The following NAV1 variants were observed in gnomAD, a reference collection of about 807,000 sequenced individuals.
NAV1 encodes the protein neuron navigator 1, also known as pore membrane and/or filament interacting like protein 3.
NAV1 carries 18 observed loss-of-function variants against 175.2 expected under a neutral mutation model. The ratio of observed to expected loss-of-function variants is 0.10; its 90% confidence interval spans 0.07 to 0.15. The LOEUF (loss-of-function observed/expected upper bound fraction) is 0.15, where lower values mean the gene tolerates loss of function less well. NAV1 is among the 10% of genes least tolerant of loss of function. NAV1 has a pLI of 1.00. For synonymous variants in NAV1, 897 were observed against 978.7 expected (o/e 0.92, Z 1.56); for missense variants, 1,731 against 2,436.6 (o/e 0.71, Z 6.10).
chr1:201,622,804 G>A, upstream of NAV1: 1 of 984,246 alleles, frequency 1.0e-6, no homozygotes, highest in Non-Finnish European at 1.2e-6. Flanking sequence ...AAGGATGGAA[G>A]CTTGTGGGGA....
At position 201,750,914 on chromosome 1, in the gene NAV1, A is replaced by G. The variant is rs989485117; in HGVS notation, c.1227-29507A>G. Among the ~76,000 whole-genome samples the G allele has an allele frequency of 3.3e-5, 5 of 152,148 alleles. No individual in the cohort carries two copies. Among genetic ancestry groups the G allele is most frequent in the African/African-American group, 9.6e-5 (4 of 41,452 alleles). On this transcript the variant is annotated intron_variant, in intron 3 of 29. Transcript: ENST00000367296. This position sits in a 1 kb window ranked among gnomAD's most constrained non-coding sequence, Gnocchi z 4.1. ...GAGCAGGATGTTTTTATTTCTGTCTATTGCCTGAAGGCATCTCCTCTAGAA... is the reference window on the plus strand; with the variant it reads ...GAGCAGGATGTTTTTATTTCTGTCTGTTGCCTGAAGGCATCTCCTCTAGAA...
chr1:201,604,371 T>C (rs1407086214), intron 2 of NAV1, among the ~76,000 whole-genome samples: 2 of 152,116 alleles, frequency 1.3e-5, no homozygotes, highest in East Asian at 3.9e-4. Context: ...TCCTATTTTA[T>C]AGATAAGAAA....
Position 201,718,318 on chromosome 1 carries a change from G to A in NAV1, c.861-72G>A. 7.1e-7 allele frequency: 1 copy of A among 1,411,264 alleles called. No individual in the cohort carries two copies. Among genetic ancestry groups the A allele is most frequent in the Non-Finnish European group, 9.3e-7 (1 of 1,078,384 alleles). The allele number at this position is 1,411,264 out of a possible 1,614,324, so 87.4% of individuals were successfully genotyped here. A position where few individuals can be genotyped will look rare whatever the true frequency, so the allele number is the denominator to read the frequency against. On this transcript the variant is annotated intron_variant, in intron 2 of 29. Transcript: ENST00000367296. This position sits in a 1 kb window ranked among gnomAD's most constrained non-coding sequence, Gnocchi z 4.8. ...GTGGGTGGAGGGGAGGCATTGCTGG[G>A]GTGCATGTGAGGGGACAGGGCACAC...
Position 201,790,991 on chromosome 1 carries a change from G to A in NAV1, c.3321+225G>A, listed in dbSNP as rs558827441. 377 of 541,416 alleles carry A rather than the reference G, an allele frequency of 7.0e-4. 3 individuals carry two copies. Among genetic ancestry groups the A allele is most frequent in the African/African-American group, 6.8e-3 (359 of 52,812 alleles). 33.5% of individuals were successfully genotyped at this position (541,416 alleles called of 1,614,324 possible). ...ATTTTGCTTCTACTCTAATTAATAG[G>A]TATGGATGAGTTCATGTCTGATGGG... On this transcript the variant is annotated intron_variant, in intron 13 of 29. Coordinates refer to ENST00000367296, the Ensembl canonical transcript of NAV1.
intron 1 of NAV1, among the ~76,000 whole-genome samples, chr1:201,654,148 T>C (rs924172857): frequency 2.0e-5 from 3 of 152,120 alleles, no homozygotes; most frequent in Non-Finnish European, 2.9e-5. Context: ...AAGGTACAGA[T>C]GGAGGAGAAG....
intron 1 of NAV1, among the ~76,000 whole-genome samples, chr1:201,689,328 T>C (rs1218779416): frequency 1.3e-5 from 2 of 152,226 alleles, no homozygotes; most frequent in African/African-American, 4.8e-5. Flanking sequence ...GACAGTTTTA[T>C]AGGTTGCTTC....
rs1237729025 is a variant in NAV1 at position 201,808,507 on chromosome 1, C to T, written c.3935C>T (p.Ser1312Phe). 1.9e-6 allele frequency: 3 copies of T among 1,614,240 alleles called. No individual in the cohort carries two copies. Among genetic ancestry groups the T allele is most frequent in the Non-Finnish European group, 2.5e-6 (3 of 1,180,054 alleles). ...AAGAAGGAGGTATCGGAGCTGCGCT[C>T]TGAGCTATGGGAGAAGGAAATGAAG... The change falls in exon 19 of 30, where the codon TCT becomes TTT. Residue 1312 changes from serine (S) to phenylalanine (F), a missense_variant. Physicochemically the swap from Ser to Phe is radical, Grantham distance 155. Coordinates refer to ENST00000367296, the Ensembl canonical transcript of NAV1. This position sits in a 1 kb window ranked among gnomAD's most constrained non-coding sequence, Gnocchi z 5.5.
At chr1:201,638,896 C>T (rs1025847100) in intron 2 of NAV1, among the ~76,000 whole-genome samples, 2 of 152,192 alleles carry the variant, frequency 1.3e-5, no homozygotes, top group African/African-American at 4.8e-5. Context: ...TACTAACTAA[C>T]CTATGTAGGG....
At chr1:201,597,833 A>T (rs1030334781) in intron 2 of NAV1, among the ~76,000 whole-genome samples, 2 of 152,198 alleles carry the variant, frequency 1.3e-5, no homozygotes, top group Non-Finnish European at 2.9e-5. Context: ...CAGTGTGACG[A>T]GGTGAGGCAG....
intron 1 of NAV1, among the ~76,000 whole-genome samples, chr1:201,691,548 G>A (rs1670944253): frequency 6.6e-6 from 1 of 152,208 alleles, no homozygotes. Context: ...AATGGAAAGG[G>A]AAATGCATTC....
At chr1:201,817,338 T>C (rs1679103665) in intron 29 of NAV1, 53 bp downstream of exon 33, 1 of 1,544,882 alleles carries the variant, frequency 6.5e-7, no homozygotes, top group Non-Finnish European at 8.8e-7. Flanking sequence ...AACTGAATTA[T>C]TGACCAGCAG....
At chr1:201,648,318 C>T in exon 1 of NAV1, 1 of 1,154,680 alleles carries the variant, frequency 8.7e-7, no homozygotes, top group Non-Finnish European at 1.1e-6. Flanking sequence ...CGCTGGGCGC[C>T]GGAGGAGCCG....
chr1:201,642,786 C>A (rs146036286), intron 2 of NAV1, among the ~76,000 whole-genome samples: 1,896 of 142,738 alleles, frequency 0.013, 39 homozygotes, highest in African/African-American at 0.046. Flanking sequence ...CTTTTCTTTT[C>A]TTTCTCGGAG....
intron 3 of NAV1, among the ~76,000 whole-genome samples, chr1:201,773,512 A>G (rs1035835202): frequency 6.6e-6 from 1 of 152,350 alleles, no homozygotes; most frequent in Non-Finnish European, 1.5e-5. Flanking sequence ...CTCAAGTGAG[A>G]GGACATTAGG....
chr1:201,658,258 G>A (rs899211519), intron 1 of NAV1, among the ~76,000 whole-genome samples: 2 of 152,138 alleles, frequency 1.3e-5, no homozygotes, highest in Non-Finnish European at 2.9e-5. Flanking sequence ...TGAAAGGCTG[G>A]ATGAGGAGAT....
Position 201,718,962 on chromosome 1 carries a change from CT to C in NAV1, c.1226+208del, listed in dbSNP as rs1672254962. On this transcript the variant is annotated intron_variant, in intron 3 of 29. Coordinates refer to ENST00000367296, the Ensembl canonical transcript of NAV1. The surrounding 1 kb of genome is among the most constrained non-coding windows in gnomAD (Gnocchi z 4.8). Reference sequence around the variant, plus strand: ...GACTTGGGTGTGGTGTAGGCAGGGCCTACATCCAAGGAGCTGATTGGTCAAT... The same window carrying C: ...GACTTGGGTGTGGTGTAGGCAGGGCCACATCCAAGGAGCTGATTGGTCAAT... Among the ~76,000 whole-genome samples, 1 of 151,942 alleles carries C rather than the reference CT, an allele frequency of 6.6e-6. No homozygotes were observed. Among genetic ancestry groups the C allele is most frequent in the African/African-American group, 2.4e-5 (1 of 41,348 alleles).
chr1:201,629,611 G>A (rs1019184052), intron 2 of NAV1, 104 bp downstream of exon 4: 28 of 621,962 alleles, frequency 4.5e-5, no homozygotes, highest in Non-Finnish European at 6.8e-5. Context: ...TCCATCTCTT[G>A]ACAAGGAGAC....
At chr1:201,664,775 A>C (rs888907515) in intron 1 of NAV1, among the ~76,000 whole-genome samples, 1 of 151,758 alleles carries the variant, frequency 6.6e-6, no homozygotes, top group African/African-American at 2.4e-5. Context: ...TGAGTCCTCT[A>C]TTTTCCTGGA....
At position 201,610,751 on chromosome 1, in the gene NAV1, G is replaced by A. The variant is rs138611468; in HGVS notation, c.-32-12102G>A. ...GGGGAATGGCTGGGCTAGGCTTGGAGTAAGAGGTGAAATCTTTGCTATTGC... is the reference window on the plus strand; with the variant it reads ...GGGGAATGGCTGGGCTAGGCTTGGAATAAGAGGTGAAATCTTTGCTATTGC... On this transcript the variant is annotated intron_variant, in intron 2 of 33. Transcript: ENST00000685211. Among the ~76,000 whole-genome samples the A allele has an allele frequency of 3.9e-5, 6 of 152,314 alleles. No homozygotes were observed. The South Asian group carries it at 8.3e-4, about 21-fold the overall frequency.
Sources: allele counts gnomAD v4.1 joint callset (sites outside exome capture counted in the v4.1 genomes callset), GRCh38; gene constraint gnomAD v4.1.1; non-coding constraint Gnocchi (gnomAD v3.1); transcripts MANE v1.5; gene names NCBI Gene and HGNC (gene_info 2026-07-23, HGNC 2026-07-21).